The following AKAP3 variants were observed in gnomAD, a reference collection of about 807,000 sequenced individuals.
The protein encoded by AKAP3 is A-kinase anchoring protein 3, also known as A-kinase anchor protein 3.
In AKAP3, 27 loss-of-function variants were observed where a neutral mutation model predicts 57.2. The observed-to-expected ratio is 0.47, with a 90% CI of 0.35 to 0.65. The LOEUF (loss-of-function observed/expected upper bound fraction) is 0.65, where lower values mean the gene tolerates loss of function less well. Ranked by LOEUF, AKAP3 falls within the 30% of genes least tolerant of loss-of-function variation. The pLI is 0.01. For missense variants in AKAP3, 959 were observed against 1,040.0 expected, an observed-to-expected ratio of 0.92 and a Z score of 1.07; for synonymous variants, 334 against 392.3, an observed-to-expected ratio of 0.85 and a Z score of 1.76.
intron 5 of AKAP3, among the ~76,000 whole-genome samples, chr12:4,616,416 A>T (rs1343532913): frequency 6.6e-6 from 1 of 152,252 alleles, no homozygotes; most frequent in Middle Eastern, 3.2e-3. Flanking sequence ...GTACAAAATG[A>T]GAAAGTTAAG....
intron 2 of AKAP3, among the ~76,000 whole-genome samples, chr12:4,644,094 C>T (rs1028937735): frequency 3.3e-5 from 5 of 152,104 alleles, no homozygotes; most frequent in African/African-American, 9.7e-5. Context: ...GAATTTCAAT[C>T]GATTTTCTTT....
intron 5 of AKAP3, among the ~76,000 whole-genome samples, chr12:4,624,182 CAT>C (rs1405260861): frequency 6.6e-6 from 1 of 151,724 alleles, no homozygotes; most frequent in Non-Finnish European, 1.5e-5. Flanking sequence ...ATATATAAAA[CAT>C]ATATAAAACA....
chr12:4,644,670 G>A (rs183210873), intron 2 of AKAP3, among the ~76,000 whole-genome samples: 1 of 152,330 alleles, frequency 6.6e-6, no homozygotes, highest in Admixed American at 6.5e-5. Context: ...CCATTACTTT[G>A]GGAGGCCGAA....
At chr12:4,619,913 A>G (rs961621756) in intron 5 of AKAP3, among the ~76,000 whole-genome samples, 1 of 152,260 alleles carries the variant, frequency 6.6e-6, no homozygotes, top group Non-Finnish European at 1.5e-5. Flanking sequence ...GCCTGATGTA[A>G]AAGACCACAT....
At chr12:4,623,802 G>A (rs1945373149) in intron 5 of AKAP3, among the ~76,000 whole-genome samples, 3 of 152,116 alleles carry the variant, frequency 2.0e-5, no homozygotes, top group African/African-American at 4.8e-5. Flanking sequence ...ATCCACAGAA[G>A]AGGAAATTCA....
chr12:4,638,233 C>T (rs370505381), intron 3 of AKAP3, 37 bp from the exon 4 acceptor site: 32 of 1,408,298 alleles, frequency 2.3e-5, no homozygotes, highest in Non-Finnish European at 3.1e-5. Flanking sequence ...AGGGTCATCA[C>T]AAGGGCAGAT....
In AKAP3 at chr12:4,628,293, C is replaced by A. The variant is rs2072356; in HGVS notation, c.609G>T (p.Ser203=). ...DKAPGSGDRV[S]GSSQSPPNLK... ...AATTTGGGGGACTTTGTGATGATCC[C>A]GAGACTCTGTCTCCAGAGCCAGGAG... Residue 203 remains serine, a synonymous_variant, in exon 5 of 6, where the codon TCG becomes TCT. Transcript: ENST00000228850. 6.2e-7 allele frequency: 1 copy of A among 1,613,816 alleles called. No homozygotes were observed. Among genetic ancestry groups the A allele is most frequent in the African/African-American group, 1.3e-5 (1 of 74,808 alleles).
chr12:4,628,170 T>C lies in AKAP3; in HGVS notation c.732A>G (p.Glu244=), dbSNP rs866329418. ...AATCTCCATTACGAGATTCAAACAC[T>C]TCCTTATAGAAGAAAGACTTCTTAG... is the stretch of plus-strand genomic sequence containing the variant. ...PPSKKSFFYK[E]VFESRNGDYA... Residue 244 remains glutamate, a synonymous_variant, in exon 5 of 6, where the codon GAA becomes GAG. Coordinates refer to ENST00000228850, the MANE Select transcript of AKAP3 (RefSeq NM_001278309.2). 5.6e-6 allele frequency: 9 copies of C among 1,614,160 alleles called. No homozygotes were observed. The Middle Eastern group carries it at 1.3e-3, about 237-fold the overall frequency.
chr12:4,632,804 C>A (rs1354569364), intron 4 of AKAP3, among the ~76,000 whole-genome samples: 1 of 152,038 alleles, frequency 6.6e-6, no homozygotes, highest in Non-Finnish European at 1.5e-5. Context: ...TCACGCCCGG[C>A]TAATTTTTTA....
chr12:4,624,824 G>GTGTGTGTGTA (rs143324716), intron 5 of AKAP3, among the ~76,000 whole-genome samples: 1 of 140,996 alleles, frequency 7.1e-6, no homozygotes, highest in Non-Finnish European at 1.5e-5. Flanking sequence ...GTGTGTGTGT[G>GTGTGTGTGTA]TATATAAAAG....
chr12:4,619,559 A>AAAC (rs985705315), intron 5 of AKAP3, among the ~76,000 whole-genome samples: 5 of 151,290 alleles, frequency 3.3e-5, no homozygotes, highest in African/African-American at 4.9e-5. Context: ...CCTGTCTCAA[A>AAAC]AACAACAACA....
chr12:4,638,322 C>A, intron 3 of AKAP3, 126 bp from the exon 4 acceptor site: 1 of 682,914 alleles, frequency 1.5e-6, no homozygotes. Flanking sequence ...AGACCTTCCC[C>A]AACAGCCACT....
At chr12:4,620,474 CAAAAAAAAAAAA>C (rs35307509) in intron 5 of AKAP3, among the ~76,000 whole-genome samples, 1 of 82,702 alleles carries the variant, frequency 1.2e-5, no homozygotes, top group Non-Finnish European at 2.2e-5. Context: ...GAGACTGTCT[CAAAAAAAAAAAA>C]AAAAAAAAAG....
chr12:4,620,868 A>G (rs934200695), intron 5 of AKAP3, among the ~76,000 whole-genome samples: 10 of 152,222 alleles, frequency 6.6e-5, no homozygotes, highest in African/African-American at 2.4e-4. Context: ...TCACTGTACT[A>G]TACTTTTGGT....
chr12:4,648,530 G>C (rs1161027207), intron 1 of AKAP3: 1 of 152,306 alleles, frequency 6.6e-6, no homozygotes, highest in Non-Finnish European at 1.5e-5. Flanking sequence ...GCAGACACCT[G>C]AGTGTGCATT....
chr12:4,615,674 G>C lies in AKAP3; in HGVS notation c.*65C>G. Reference sequence around the variant, plus strand: ...TATAGAGGGGGAGATGTGGAAGTGAGAAAGAAGGGCGGGGATAAGGGCCGG... The same window carrying C: ...TATAGAGGGGGAGATGTGGAAGTGACAAAGAAGGGCGGGGATAAGGGCCGG... On this transcript the variant is annotated 3_prime_UTR_variant, in exon 6 of 6. Coordinates refer to ENST00000228850, the MANE Select transcript of AKAP3 (RefSeq NM_001278309.2). The C allele has an allele frequency of 1.3e-6, 2 of 1,561,076 alleles. No homozygotes were observed. The highest frequency in any genetic ancestry group is 2.7e-5 in the African/African-American group (2 of 73,852).
At chr12:4,635,204 A>C (rs1339373331) in intron 4 of AKAP3, 1 of 246,402 alleles carries the variant, frequency 4.1e-6, no homozygotes, top group African/African-American at 2.3e-5. Context: ...CAAAACACTT[A>C]AAATAATTCT....
intron 5 of AKAP3, among the ~76,000 whole-genome samples, chr12:4,626,292 C>T (rs777754728): frequency 2.0e-5 from 3 of 152,200 alleles, no homozygotes; most frequent in Non-Finnish European, 4.4e-5. Flanking sequence ...CATTTATCCC[C>T]CTGTTCCCCT....
Position 4,625,692 on chromosome 12 carries a change from T to TGAGAGAGA in AKAP3, c.2406+796_2406+803dup, listed in dbSNP as rs77632031. 3.6e-3 allele frequency among the ~76,000 whole-genome samples: 529 copies of TGAGAGAGA among 146,478 alleles called. 6 individuals carry two copies. Among genetic ancestry groups the TGAGAGAGA allele is most frequent in the South Asian group, 0.036 (163 of 4,542 alleles). The stretch of plus-strand genomic sequence containing the variant: ...ATCAAAAGCACTGAGGAAGAGAAAA[T>TGAGAGAGA]GAGAGAGAGAGAGAGAGAGAGAGAG... On this transcript the variant is annotated intron_variant, in intron 5 of 5. Coordinates refer to ENST00000228850, the MANE Select transcript of AKAP3 (RefSeq NM_001278309.2). This position sits in a 1 kb window ranked among gnomAD's most constrained non-coding sequence, Gnocchi z 5.4.
Sources: allele counts gnomAD v4.1 joint callset (sites outside exome capture counted in the v4.1 genomes callset), GRCh38; gene constraint gnomAD v4.1.1; non-coding constraint Gnocchi (gnomAD v3.1); transcripts MANE v1.5; gene names NCBI Gene and HGNC (gene_info 2026-07-23, HGNC 2026-07-21).